The following SH3BP4 variants were observed in gnomAD, a reference collection of about 807,000 sequenced individuals.
SH3BP4 encodes the protein SH3 domain binding protein 4.
A neutral mutation model predicts 65.5 loss-of-function variants in SH3BP4; 33 were observed. The observed-to-expected ratio is 0.50, with a 90% CI of 0.38 to 0.67. The LOEUF is 0.67. SH3BP4 is among the 30% of genes least tolerant of loss of function. The pLI is 0.00. For synonymous variants in SH3BP4, 552 were observed against 545.5 expected, an observed-to-expected ratio of 1.01 and a Z score of -0.17; for missense variants, 1,134 against 1,261.4, an observed-to-expected ratio of 0.90 and a Z score of 1.53.
chr2:235,008,806 A>G (rs989885310), intron 2 of SH3BP4, among the ~76,000 whole-genome samples: 30 of 152,182 alleles, frequency 2.0e-4, no homozygotes, highest in African/African-American at 7.0e-4. Flanking sequence ...CAGAGGCCCT[A>G]CTGAAAAACG....
chr2:234,954,030 A>G (rs986200806), intron 1 of SH3BP4, among the ~76,000 whole-genome samples: 1 of 152,032 alleles, frequency 6.6e-6, no homozygotes, highest in African/African-American at 2.4e-5. Context: ...GTGCTTATCC[A>G]AAAGAACAGT....
intron 2 of SH3BP4, among the ~76,000 whole-genome samples, chr2:235,027,787 G>A (rs193130784): frequency 2.6e-5 from 4 of 152,300 alleles, no homozygotes; most frequent in Non-Finnish European, 5.9e-5. Context: ...GGAGGAGAAC[G>A]TGAACAGTCT....
chr2:235,043,277 A>C (rs1695740208), intron 4 of SH3BP4, 30 bp downstream of exon 4: 4 of 1,519,942 alleles, frequency 2.6e-6, no homozygotes, highest in Non-Finnish European at 3.5e-6. Flanking sequence ...CTGGGCGTTC[A>C]GGGGTGCTGC....
At position 234,977,654 on chromosome 2, in the gene SH3BP4, C is replaced by T. The variant is rs1306988040; in HGVS notation, c.-206-17649C>T. Among the ~76,000 whole-genome samples, 2 of 152,136 alleles carry T rather than the reference C, an allele frequency of 1.3e-5. No homozygotes were observed. The highest frequency in any genetic ancestry group is 2.4e-5 in the African/African-American group (1 of 41,422). On this transcript the variant is annotated intron_variant, in intron 1 of 5. Coordinates refer to ENST00000392011, the MANE Select transcript of SH3BP4 (RefSeq NM_014521.3). This position sits in a 1 kb window ranked among gnomAD's most constrained non-coding sequence, Gnocchi z 5.1. ...TGGATGGAAAACAGGATGAGAGTGT[C>T]TCTCCCCCAAAGAGGGCTGGTTCAA... is the stretch of plus-strand genomic sequence containing the variant.
chr2:235,017,989 A>G (rs893523420), intron 2 of SH3BP4, among the ~76,000 whole-genome samples: 1 of 152,148 alleles, frequency 6.6e-6, no homozygotes, highest in African/African-American at 2.4e-5. Flanking sequence ...AACATTCTGT[A>G]CGGAAGTGAG....
rs899681382 is a variant in SH3BP4 at position 235,026,721 on chromosome 2, C to T, written c.-132-8150C>T. ...TGGAACGTGTGGTCCTGCCCTCGTT[C>T]CTCATTTTTTCACCCTGTGGCGTGG... On this transcript the variant is annotated intron_variant, in intron 2 of 5. Coordinates refer to ENST00000392011, the MANE Select transcript of SH3BP4 (RefSeq NM_014521.3). This position sits in a 1 kb window ranked among gnomAD's most constrained non-coding sequence, Gnocchi z 4.6. Among the ~76,000 whole-genome samples, 4 of 152,168 alleles carry T rather than the reference C, an allele frequency of 2.6e-5. No individual in the cohort carries two copies.
At chr2:234,971,196 T>C (rs1385600289) in intron 1 of SH3BP4, among the ~76,000 whole-genome samples, 1 of 152,180 alleles carries the variant, frequency 6.6e-6, no homozygotes, top group Non-Finnish European at 1.5e-5. Context: ...CCATTCCACT[T>C]TCTGTTGCTA....
intron 2 of SH3BP4, among the ~76,000 whole-genome samples, chr2:235,007,433 T>C (rs1420632684): frequency 6.6e-6 from 1 of 152,036 alleles, no homozygotes; most frequent in African/African-American, 2.4e-5. Context: ...AGATTTGTGA[T>C]TGTCACCACG....
At position 235,001,208 on chromosome 2, in the gene SH3BP4, C is replaced by A. The variant is rs982978187; in HGVS notation, c.-133+5832C>A. On this transcript the variant is annotated intron_variant, in intron 2 of 5. Coordinates refer to ENST00000392011, the MANE Select transcript of SH3BP4 (RefSeq NM_014521.3). ...ACAGAACAGATGTGTTTATCCTGGG[C>A]TCCCGGGCCCTTGGCGTGGCCCTTT... Among the ~76,000 whole-genome samples, 97 of 152,340 alleles carry A rather than the reference C, an allele frequency of 6.4e-4. 1 individual carries two copies. The highest frequency in any genetic ancestry group is 2.3e-3 in the African/African-American group (94 of 41,586).
chr2:234,998,252 G>T (rs1287692740), intron 2 of SH3BP4, among the ~76,000 whole-genome samples: 1 of 152,212 alleles, frequency 6.6e-6, no homozygotes, highest in Non-Finnish European at 1.5e-5. Context: ...GAACCACGTG[G>T]GCTGGTACCA....
intron 4 of SH3BP4, among the ~76,000 whole-genome samples, chr2:235,044,426 T>C (rs926265727): frequency 2.6e-5 from 4 of 152,252 alleles, no homozygotes; most frequent in Non-Finnish European, 5.9e-5. Context: ...ATCCGTGTCC[T>C]GGCATCCCCA....
chr2:234,993,700 C>A (rs754502303), intron 1 of SH3BP4, among the ~76,000 whole-genome samples: 4 of 152,206 alleles, frequency 2.6e-5, no homozygotes, highest in African/African-American at 4.8e-5. Context: ...ACTGTTCTGT[C>A]TTGACATGAC....
intron 1 of SH3BP4, among the ~76,000 whole-genome samples, chr2:234,954,165 A>G (rs944976702): frequency 3.3e-5 from 5 of 152,026 alleles, no homozygotes; most frequent in African/African-American, 1.2e-4. Context: ...GAGCTTTATT[A>G]TTATTTTTTT....
At chr2:235,036,460 TA>T (rs1313044849) in intron 3 of SH3BP4, among the ~76,000 whole-genome samples, 1 of 152,056 alleles carries the variant, frequency 6.6e-6, no homozygotes, top group Admixed American at 6.6e-5. Context: ...GGTGAATTTT[TA>T]AAAATGTCAG....
chr2:234,973,681 G>A (rs1011722629), intron 1 of SH3BP4, among the ~76,000 whole-genome samples: 4 of 150,374 alleles, frequency 2.7e-5, no homozygotes, highest in Non-Finnish European at 5.9e-5. Flanking sequence ...GCACCGTCTT[G>A]CTCTGTTGCC....
At chr2:235,014,951 G>A (rs191435693) in intron 2 of SH3BP4, among the ~76,000 whole-genome samples, 10 of 152,290 alleles carry the variant, frequency 6.6e-5, no homozygotes, top group African/African-American at 2.2e-4. Flanking sequence ...CTGACCTGGT[G>A]GCATTTAGGT....
intron 2 of SH3BP4, among the ~76,000 whole-genome samples, chr2:235,017,086 A>T (rs1206587275): frequency 1.7e-5 from 2 of 119,094 alleles, no homozygotes; most frequent in Non-Finnish European, 3.2e-5. Context: ...TAGCCTTCTC[A>T]TGTACCCAAA....
At chr2:235,018,971 G>A (rs1428851916) in intron 2 of SH3BP4, among the ~76,000 whole-genome samples, 1 of 152,138 alleles carries the variant, frequency 6.6e-6, no homozygotes, top group Non-Finnish European at 1.5e-5. Flanking sequence ...CTGAGATCTG[G>A]GTGGCAAAAG....
At chr2:234,988,395 G>A (rs781618356) in intron 1 of SH3BP4, among the ~76,000 whole-genome samples, 1 of 152,146 alleles carries the variant, frequency 6.6e-6, no homozygotes, top group Admixed American at 6.5e-5. Flanking sequence ...CCTTTAGCGA[G>A]TCTTTCTGAA....
Sources: gnomAD v4.1 joint callset for allele counts (sites outside exome capture counted in the v4.1 genomes callset) on GRCh38, gnomAD v4.1.1 for gene constraint, Gnocchi (gnomAD v3.1) non-coding constraint, MANE v1.5 for transcripts, NCBI Gene and HGNC (gene_info 2026-07-23, HGNC 2026-07-21) for gene names.